Variants in SRP54 observed in about 807,000 individuals in gnomAD.
The protein encoded by SRP54 is signal recognition particle subunit SRP54.
SRP54 carries 10 observed loss-of-function variants against 64.8 expected under a neutral mutation model. That is an observed-to-expected ratio of 0.15 (90% CI 0.10 to 0.26). The LOEUF (loss-of-function observed/expected upper bound fraction) is 0.26, where lower values mean the gene tolerates loss of function less well. SRP54 is among the 10% of genes least tolerant of loss of function. The pLI, the probability that SRP54 is intolerant of heterozygous loss-of-function variation, is 1.00. For synonymous variants in SRP54, 193 were observed against 185.6 expected, an observed-to-expected ratio of 1.04 and a Z score of -0.32; for missense variants, 325 against 613.7, an observed-to-expected ratio of 0.53 and a Z score of 4.97.
intron 4 of SRP54, among the ~76,000 whole-genome samples, chr14:35,004,895 C>T (rs1000797228): frequency 1.3e-5 from 2 of 152,158 alleles, no homozygotes; most frequent in Non-Finnish European, 2.9e-5. Flanking sequence ...CTCTTCTCTA[C>T]CTCATGGCTT....
rs1384552218 is a variant in SRP54, at chr14:34,988,578, A to AAAAAAT, written c.-34+5364_-34+5365insAAAATA. Among the ~76,000 whole-genome samples, 23 of 47,092 alleles carry AAAAAAT rather than the reference A, an allele frequency of 4.9e-4. 2 individuals are homozygous for AAAAAAT. Among genetic ancestry groups the AAAAAAT allele is most frequent in the Non-Finnish European group, 1.0e-3 (21 of 20,868 alleles). The allele number at this position is 47,092 out of a possible 152,430, so 30.9% of individuals were successfully genotyped here. A position where few individuals can be genotyped will look rare whatever the true frequency, so the allele number is the denominator to read the frequency against. On this transcript the variant is annotated intron_variant, in intron 1 of 15. Coordinates refer to ENST00000216774, the MANE Select transcript of SRP54 (RefSeq NM_003136.4). The stretch of plus-strand genomic sequence containing the variant: ...TCCATCTCAAAAAAAAAAAAAAAAA[A>AAAAAAT]ATATATATATATATATAACATATAT...
chr14:34,988,578 A>ATATATATAT (rs1555352767), intron 1 of SRP54, among the ~76,000 whole-genome samples: 1 of 47,102 alleles, frequency 2.1e-5, no homozygotes, highest in Non-Finnish European at 4.8e-5. Flanking sequence ...AAAAAAAAAA[A>ATATATATAT]ATATATATAT....
chr14:34,983,757 A>G lies in SRP54; in HGVS notation c.-34+542A>G, dbSNP rs188495396. 1.6e-4 allele frequency among the ~76,000 whole-genome samples: 25 copies of G among 152,340 alleles called. No homozygotes were observed. The East Asian group carries it at 4.6e-3, about 28-fold the overall frequency. On this transcript the variant is annotated intron_variant, in intron 1 of 15. Coordinates refer to ENST00000216774, the MANE Select transcript of SRP54 (RefSeq NM_003136.4). ...CCTCACCTGATTCTTTCACATGCTTAATTTAACAAAATATATACTTGTTCT... is the reference window on the plus strand; with the variant it reads ...CCTCACCTGATTCTTTCACATGCTTGATTTAACAAAATATATACTTGTTCT...
intron 1 of SRP54, 69 bp from the exon 2 acceptor site, chr14:34,996,608 A>AC: frequency 1.2e-6 from 1 of 804,468 alleles, no homozygotes; most frequent in Admixed American, 1.9e-5. Context: ...GAACTTAAAT[A>AC]CTCTTTAGAA....
At chr14:35,021,706 G>T (rs2139021816) in intron 13 of SRP54, among the ~76,000 whole-genome samples, 1 of 152,250 alleles carries the variant, frequency 6.6e-6, no homozygotes, top group Admixed American at 6.5e-5. Flanking sequence ...AGGAATGGAA[G>T]TGCCACGTAA....
chr14:35,011,124 A>G (rs1039173225), intron 7 of SRP54, among the ~76,000 whole-genome samples: 1 of 151,962 alleles, frequency 6.6e-6, no homozygotes, highest in African/African-American at 2.4e-5. Flanking sequence ...GAATCTCACT[A>G]TATTGCTCAG....
intron 1 of SRP54, among the ~76,000 whole-genome samples, chr14:34,993,977 G>A (rs1209575930): frequency 6.6e-6 from 1 of 151,464 alleles, no homozygotes; most frequent in Non-Finnish European, 1.5e-5. Flanking sequence ...TTACAGGCAT[G>A]AGCCACCGCA....
chr14:35,014,909 G>C, intron 11 of SRP54, 79 bp downstream of exon 11: 1 of 1,024,528 alleles, frequency 9.8e-7, no homozygotes. Flanking sequence ...TAAGTTATTT[G>C]AAATGTAATA....
At chr14:35,014,290 T>TTTTTTTTTTGTTTTTTTTG (rs376712278) in intron 10 of SRP54, among the ~76,000 whole-genome samples, 1 of 127,284 alleles carries the variant, frequency 7.9e-6, no homozygotes, top group East Asian at 2.7e-4. Flanking sequence ...TTTTTTTTTT[T>TTTTTTTTTTGTTTTTTTTG]TTTTGAGACG....
intron 1 of SRP54, among the ~76,000 whole-genome samples, chr14:34,986,235 A>G (rs1165204031): frequency 6.6e-6 from 1 of 152,216 alleles, no homozygotes; most frequent in African/African-American, 2.4e-5. Flanking sequence ...ACTTTAATGA[A>G]GAGAAAGTTG....
At chr14:34,989,078 T>G (rs989071181) in intron 1 of SRP54, among the ~76,000 whole-genome samples, 14 of 152,178 alleles carry the variant, frequency 9.2e-5, no homozygotes, top group African/African-American at 3.4e-4. Flanking sequence ...TGATTTGTAG[T>G]TGGTTGAATC....
At chr14:35,017,779 A>G (rs2044467206) in intron 11 of SRP54, among the ~76,000 whole-genome samples, 1 of 152,174 alleles carries the variant, frequency 6.6e-6, no homozygotes, top group Non-Finnish European at 1.5e-5. Context: ...GAACATTTCC[A>G]TTACTCTAAA....
intron 14 of SRP54, among the ~76,000 whole-genome samples, chr14:35,027,293 G>T (rs1428466729): frequency 6.6e-6 from 1 of 151,782 alleles, no homozygotes; most frequent in Non-Finnish European, 1.5e-5. Flanking sequence ...GCCTCCCAGA[G>T]TGCTAGGATT....
At position 35,018,955 on chromosome 14, in the gene SRP54, A is replaced by T; in HGVS notation, c.1048-11A>T. ...AAGCTACTATTGACTTTATGTTTAA[A>T]TCTGTTGTAGGGGATGATCCCTGGT... On this transcript the variant is annotated splice_polypyrimidine_tract_variant and intron_variant, in intron 12 of 15. Transcript: ENST00000216774. 1 of 1,610,462 alleles carries T rather than the reference A, an allele frequency of 6.2e-7. No homozygotes were observed. Among genetic ancestry groups the T allele is most frequent in the Non-Finnish European group, 8.5e-7 (1 of 1,176,916 alleles).
chr14:34,983,978 A>G (rs182202461), intron 1 of SRP54, among the ~76,000 whole-genome samples: 2 of 152,276 alleles, frequency 1.3e-5, no homozygotes, highest in East Asian at 1.9e-4. Flanking sequence ...TCTAGCCTCA[A>G]TTTCCTCATC....
rs59058538 is a variant in SRP54, at chr14:34,994,932, CTTTTT to C, written c.-33-1722_-33-1718del. On this transcript the variant is annotated intron_variant, in intron 1 of 15. Transcript: ENST00000216774. ...AGGCACATGCCGCCATGCCTGGCTACTTTTTTTTTTTTTTTTTTTTTTTTTTTAAG... is the reference window on the plus strand; with the variant it reads ...AGGCACATGCCGCCATGCCTGGCTACTTTTTTTTTTTTTTTTTTTTTTAAG... 5.1e-3 allele frequency among the ~76,000 whole-genome samples: 430 copies of C among 84,474 alleles called. 8 individuals are homozygous for C. Among genetic ancestry groups the C allele is most frequent in the East Asian group, 0.032 (100 of 3,080 alleles). 55.4% of individuals were successfully genotyped at this position (84,474 alleles called of 152,430 possible).
chr14:34,992,828 G>GC (rs929610764), intron 1 of SRP54, among the ~76,000 whole-genome samples: 47 of 151,502 alleles, frequency 3.1e-4, no homozygotes, highest in Admixed American at 1.8e-3. Context: ...CCTAAAGTTT[G>GC]CCCCCCCAAA....
At chr14:34,995,177 GTGTGT>G (rs1566643660) in intron 1 of SRP54, among the ~76,000 whole-genome samples, 4 of 121,996 alleles carry the variant, frequency 3.3e-5, no homozygotes, top group Non-Finnish European at 6.1e-5. Flanking sequence ...GTGTGTGTGT[GTGTGT>G]GTGTGTAGAG....
chr14:35,011,863 A>T, intron 8 of SRP54, among the ~76,000 whole-genome samples: 1 of 152,212 alleles, frequency 6.6e-6, no homozygotes, highest in Non-Finnish European at 1.5e-5. Context: ...AATTTTCATA[A>T]GTATGAAAAA....
Sources: gnomAD v4.1 joint callset for allele counts (sites outside exome capture counted in the v4.1 genomes callset) on GRCh38, gnomAD v4.1.1 for gene constraint, MANE v1.5 for transcripts, NCBI Gene and HGNC (gene_info 2026-07-23, HGNC 2026-07-21) for gene names.